AFDN: variants seen among roughly 807,000 people sequenced by gnomAD.
AFDN encodes the protein afadin.
A neutral mutation model predicts 216.6 loss-of-function variants in AFDN; 68 were observed. The ratio of observed to expected loss-of-function variants is 0.31; its 90% CI spans 0.26 to 0.38. The LOEUF is 0.38. AFDN is among the 10% of genes least tolerant of loss of function. The pLI is 1.00. For missense variants in AFDN, 2,136 were observed against 2,342.0 expected (o/e 0.91, Z 1.82); for synonymous variants, 868 against 853.7 (o/e 1.02, Z -0.29).
chr6:167,905,012 C>T (rs1156482699), intron 12 of AFDN, among the ~76,000 whole-genome samples: 1 of 152,156 alleles, frequency 6.6e-6, no homozygotes, highest in African/African-American at 2.4e-5. Flanking sequence ...AGGCTTCCAT[C>T]CTGTGCCCGT....
chr6:167,960,621 A>G (rs2128738453), intron 30 of AFDN, among the ~76,000 whole-genome samples: 1 of 152,298 alleles, frequency 6.6e-6, no homozygotes, highest in South Asian at 2.1e-4. Context: ...TAATATTCTC[A>G]CTTGCTTTAT....
chr6:167,931,347 G>A (rs1357776974), intron 23 of AFDN, among the ~76,000 whole-genome samples: 1 of 152,150 alleles, frequency 6.6e-6, no homozygotes, highest in African/African-American at 2.4e-5. Context: ...TGTCACACTG[G>A]AGATGTGGGA....
chr6:167,877,692 C>T (rs1315440091), intron 5 of AFDN, among the ~76,000 whole-genome samples: 1 of 152,122 alleles, frequency 6.6e-6, no homozygotes, highest in East Asian at 1.9e-4. Context: ...AAAAATATAT[C>T]CTTACAGCCT....
intron 21 of AFDN, among the ~76,000 whole-genome samples, chr6:167,921,309 T>G (rs1791767757): frequency 6.6e-6 from 1 of 152,250 alleles, no homozygotes; most frequent in Admixed American, 6.5e-5. Context: ...ATGATTAATG[T>G]TAGGACATAC....
At chr6:167,889,348 T>G in intron 7 of AFDN, 22 bp downstream of exon 7, 1 of 1,497,090 alleles carries the variant, frequency 6.7e-7, no homozygotes, top group Non-Finnish European at 9.3e-7. Flanking sequence ...ATTAAAGGAT[T>G]ACTTACACCA....
chr6:167,838,626 C>T (rs955445247), intron 1 of AFDN, among the ~76,000 whole-genome samples: 3 of 152,174 alleles, frequency 2.0e-5, no homozygotes, highest in Non-Finnish European at 4.4e-5. Context: ...ATCTACTGAA[C>T]AAATACTTGC....
Position 167,962,622 on chromosome 6 carries a change from G to T in AFDN, c.4968+55G>T, listed in dbSNP as rs41266293. On this transcript the variant is annotated intron_variant, in intron 31 of 33. Coordinates refer to ENST00000683244, the MANE Select transcript of AFDN (RefSeq NM_001386888.1). This position sits in a 1 kb window ranked among gnomAD's most constrained non-coding sequence, Gnocchi z 5.2. ...TTACCAAGTTAGCCTGAACGTAATC[G>T]ATTGGCTGGGGCAGAGCGGGCTGGA... 1.2e-6 allele frequency: 2 copies of T among 1,611,500 alleles called. No homozygotes were observed. The highest frequency in any genetic ancestry group is 1.7e-6 in the Non-Finnish European group (2 of 1,177,828).
intron 30 of AFDN, among the ~76,000 whole-genome samples, chr6:167,954,767 G>A (rs1796331650): frequency 6.6e-6 from 1 of 152,068 alleles, no homozygotes. Flanking sequence ...GTATTCTTAC[G>A]TAGTCATAAA....
At chr6:167,928,456 G>A (rs75390170) in intron 23 of AFDN, among the ~76,000 whole-genome samples, 1,571 of 152,354 alleles carry the variant, frequency 0.01, 33 homozygotes, top group African/African-American at 0.036. Context: ...CAGCCCCAGT[G>A]TCAGGTGACA....
chr6:167,850,730 A>G (rs1484868698), intron 1 of AFDN, among the ~76,000 whole-genome samples: 1 of 152,226 alleles, frequency 6.6e-6, no homozygotes, highest in Non-Finnish European at 1.5e-5. Context: ...TCAGTATTAT[A>G]ATTTTGAGGC....
intron 1 of AFDN, among the ~76,000 whole-genome samples, chr6:167,841,046 C>A (rs1289153319): frequency 6.6e-6 from 1 of 152,140 alleles, no homozygotes; most frequent in Non-Finnish European, 1.5e-5. Flanking sequence ...ACTAAGGTAA[C>A]AGGGAAGGAG....
At chr6:167,910,358 A>C (rs1790231992) in intron 13 of AFDN, among the ~76,000 whole-genome samples, 2 of 152,228 alleles carry the variant, frequency 1.3e-5, no homozygotes, top group Non-Finnish European at 2.9e-5. Context: ...AAATGAACCT[A>C]ACTTTTGAAT....
intron 6 of AFDN, 97 bp from the exon 7 acceptor site, chr6:167,889,118 C>T (rs562504894): frequency 1.4e-6 from 1 of 738,498 alleles, no homozygotes; most frequent in Admixed American, 2.3e-5. Flanking sequence ...TCTACGGTGA[C>T]ATTTTATTCA....
At chr6:167,887,000 G>A (rs187381599) in intron 6 of AFDN, among the ~76,000 whole-genome samples, 97 of 129,314 alleles carry the variant, frequency 7.5e-4, no homozygotes, top group Admixed American at 1.3e-3. Flanking sequence ...GGGTGACAGA[G>A]CGAGACTGTA....
At chr6:167,868,835 TCA>T (rs1784485234) in intron 2 of AFDN, among the ~76,000 whole-genome samples, 1 of 150,562 alleles carries the variant, frequency 6.6e-6, no homozygotes, top group East Asian at 2.0e-4. Context: ...CCGTCACAGT[TCA>T]CTGTGGCCTC....
intron 1 of AFDN, among the ~76,000 whole-genome samples, chr6:167,853,932 GA>G (rs1335398893): frequency 4.6e-5 from 7 of 152,026 alleles, no homozygotes; most frequent in African/African-American, 1.4e-4. Flanking sequence ...TTGCCACAGT[GA>G]ATAGCCTTTC....
At chr6:167,861,504 C>T (rs997008140) in intron 1 of AFDN, among the ~76,000 whole-genome samples, 1 of 152,110 alleles carries the variant, frequency 6.6e-6, no homozygotes, top group African/African-American at 2.4e-5. Context: ...GATCTCTTAA[C>T]ATTTTATGTA....
At chr6:167,947,248 C>G (rs927291461) in intron 27 of AFDN, among the ~76,000 whole-genome samples, 1 of 151,616 alleles carries the variant, frequency 6.6e-6, no homozygotes, top group Admixed American at 6.6e-5. Context: ...GGCGCGATCT[C>G]GGCTAACTGC....
intron 23 of AFDN, among the ~76,000 whole-genome samples, chr6:167,932,344 G>A (rs114554562): frequency 1.3e-5 from 2 of 152,182 alleles, no homozygotes; most frequent in South Asian, 4.1e-4. Flanking sequence ...AGCAGTGTGG[G>A]TATGCAGTTT....
Sources: gnomAD v4.1 joint callset for allele counts (sites outside exome capture counted in the v4.1 genomes callset) on GRCh38, gnomAD v4.1.1 for gene constraint, Gnocchi (gnomAD v3.1) non-coding constraint, MANE v1.5 for transcripts, NCBI Gene and HGNC (gene_info 2026-07-23, HGNC 2026-07-21) for gene names.